The following KCNH3 variants were observed in gnomAD, a reference collection of about 807,000 sequenced individuals.
The protein encoded by KCNH3 is voltage-gated inwardly rectifying potassium channel KCNH3.
Under a neutral mutation model 95.6 loss-of-function variants are expected in KCNH3, and 36 were observed. That is an observed-to-expected ratio of 0.38 (90% CI 0.29 to 0.50). KCNH3 has a LOEUF of 0.50. KCNH3 is among the 20% of genes least tolerant of loss of function. The pLI is 0.95. For missense variants in KCNH3, 1,030 were observed against 1,484.1 expected, an observed-to-expected ratio of 0.69 and a Z score of 5.03; for synonymous variants, 620 against 646.3, an observed-to-expected ratio of 0.96 and a Z score of 0.62.
chr12:49,542,790 T>C lies in KCNH3; in HGVS notation c.530T>C (p.Leu177Pro), dbSNP rs1937920313. 1 of 1,601,324 alleles carries C rather than the reference T, an allele frequency of 6.2e-7. No homozygotes were observed. Among genetic ancestry groups the C allele is most frequent in the Non-Finnish European group, 8.5e-7 (1 of 1,175,274 alleles). ...RRRSRAVLYH[L>P]SGHLQKQPKG... ...CGGAGCCGGGCCGTGCTCTACCACC[T>C]GTCCGGGCACCTGCAGAAGCAGCCC... is the stretch of plus-strand genomic sequence containing the variant. The change falls in exon 4 of 15, where the codon CTG (leucine) becomes CCG (proline). Residue 177 changes from leucine (L) to proline (P), a missense_variant. Leu to Pro is a moderately conservative substitution (Grantham distance 98). Around this residue, in one of 9 missense-constraint regions of KCNH3, gnomAD observed 92 missense variants for 92.7 expected, o/e 0.99. Coordinates refer to ENST00000257981, the MANE Select transcript of KCNH3 (RefSeq NM_012284.3).
chr12:49,553,162 A>G (rs1395175114), intron 10 of KCNH3, among the ~76,000 whole-genome samples: 2 of 151,882 alleles, frequency 1.3e-5, no homozygotes, highest in African/African-American at 4.8e-5. Context: ...TTTTGAGACC[A>G]GGTCTCACTG....
intron 7 of KCNH3, among the ~76,000 whole-genome samples, chr12:49,545,904 C>A (rs1024919790): frequency 1.3e-5 from 2 of 152,150 alleles, no homozygotes; most frequent in Non-Finnish European, 2.9e-5. Flanking sequence ...AACCAGGACA[C>A]TCCGGGCAGT....
At chr12:49,556,061 CTA>C in intron 12 of KCNH3, 110 bp downstream of exon 12, 1 of 627,458 alleles carries the variant, frequency 1.6e-6, no homozygotes. Context: ...TCCCGCTAGT[CTA>C]TGTGGGCCAA....
At chr12:49,554,260 C>T (rs1346210974) in intron 10 of KCNH3, 77 bp from the exon 11 acceptor site, 2 of 1,204,972 alleles carry the variant, frequency 1.7e-6, no homozygotes, top group Non-Finnish European at 2.4e-6. Flanking sequence ...AAGGGAATCT[C>T]AGCAACCTGC....
chr12:49,543,169 T>C, intron 4 of KCNH3, 106 bp from the exon 5 acceptor site: 1 of 1,245,182 alleles, frequency 8.0e-7, no homozygotes, highest in South Asian at 1.4e-5. Context: ...GCTGCTTCGA[T>C]AATGCAGGGA....
At chr12:49,550,811 A>G (rs1042330141) in intron 10 of KCNH3, among the ~76,000 whole-genome samples, 3 of 152,214 alleles carry the variant, frequency 2.0e-5, no homozygotes, top group African/African-American at 7.2e-5. Context: ...ACAGTCAGGG[A>G]GACTCATTCT....
Position 49,555,914 on chromosome 12 carries a change from C to T in KCNH3, c.2431C>T (p.Pro811Ser). The change falls in exon 12 of 15, where the codon CCC (proline) becomes TCC (serine). Residue 811 changes from proline (P) to serine (S), a missense_variant. Physicochemically the swap from Pro to Ser is moderately conservative, Grantham distance 74. This residue lies in a region of KCNH3 where 464 missense variants were observed against 493.2 expected (regional missense o/e 0.94). Transcript: ENST00000257981. The part of the protein sequence containing the change: ...PRALEGLRLP[P>S]MPWNVPPDLS... ...GGCCCTAGAGGGGCTACGGCTGCCCCCCATGCCATGGAATGTGCCCCCAGA... is the reference window on the plus strand; with the variant it reads ...GGCCCTAGAGGGGCTACGGCTGCCCTCCATGCCATGGAATGTGCCCCCAGA... The T allele has an allele frequency of 3.2e-6, 5 of 1,583,036 alleles. No individual in the cohort carries two copies. The highest frequency in any genetic ancestry group is 4.3e-6 in the Non-Finnish European group (5 of 1,160,348).
intron 7 of KCNH3, among the ~76,000 whole-genome samples, chr12:49,544,758 C>T (rs1403622488): frequency 2.0e-5 from 3 of 152,036 alleles, no homozygotes; most frequent in Non-Finnish European, 2.9e-5. Context: ...CTTGTCCCCA[C>T]CACCTTGGCT....
chr12:49,549,442 C>G lies in KCNH3; in HGVS notation c.1470C>G (p.Ala490=), dbSNP rs573287113. 2 of 1,613,352 alleles carry G rather than the reference C, an allele frequency of 1.2e-6. No individual in the cohort carries two copies. Among genetic ancestry groups the G allele is most frequent in the South Asian group, 2.2e-5 (2 of 91,090 alleles). The change falls in exon 9 of 15, where the codon GCC becomes GCG. Residue 490 remains alanine (A), a splice_region_variant and synonymous_variant. Transcript: ENST00000257981. ...CCCCCTCTCGTCACCCTCCCCCAGC[C>G]CTGATGCACGCGGTGGTGTTTGGGA... ...IFSICTMLIG[A]LMHAVVFGNV...
chr12:49,554,441 C>G lies in KCNH3; in HGVS notation c.2023C>G (p.Leu675Val). Residue 675 changes from leucine to valine, a missense_variant, in exon 11 of 15, where the codon CTG becomes GTG. Coordinates refer to ENST00000257981, the MANE Select transcript of KCNH3 (RefSeq NM_012284.3). Reference protein sequence around the residue: ...LTYCVLQCLQLAGLHDSLALY... With the variant: ...LTYCVLQCLQVAGLHDSLALY... ...GTACTGCGTCCTGCAGTGTCTGCAG[C>G]TGGCTGGCCTGCACGACAGCCTTGC... The G allele has an allele frequency of 6.2e-7, 1 of 1,613,312 alleles. No homozygotes were observed. Among genetic ancestry groups the G allele is most frequent in the Non-Finnish European group, 8.5e-7 (1 of 1,180,042 alleles).
At chr12:49,556,266 C>A in intron 12 of KCNH3, 104 bp from the exon 13 acceptor site, 1 of 845,908 alleles carries the variant, frequency 1.2e-6, no homozygotes, top group Non-Finnish European at 2.0e-6. Context: ...GTCAGTTCCA[C>A]GCTCCTGCAG....
intron 6 of KCNH3, 34 bp from the exon 7 acceptor site, chr12:49,544,141 T>TGCCAACCCAAACC: frequency 7.1e-7 from 1 of 1,413,420 alleles, no homozygotes; most frequent in Non-Finnish European, 9.7e-7. Context: ...CCCGCTGACC[T>TGCCAACCCAAACC]CCCTCCCTCC....
chr12:49,557,231 C>G lies in KCNH3; in HGVS notation c.2624C>G (p.Thr875Arg). The G allele has an allele frequency of 6.2e-7, 1 of 1,613,986 alleles. No homozygotes were observed. The highest frequency in any genetic ancestry group is 1.1e-5 in the South Asian group (1 of 91,072). The change falls in exon 14 of 15, where the codon ACA becomes AGA. Residue 875 changes from threonine (T) to arginine (R), a missense_variant. This residue lies in a region of KCNH3 where 464 missense variants were observed against 493.2 expected (regional missense o/e 0.94). Coordinates refer to ENST00000257981, the MANE Select transcript of KCNH3 (RefSeq NM_012284.3). The part of the protein sequence containing the change: ...VPHGPSEARN[T>R]DTLDKLRQAV... ...CATGGGCCCAGCGAGGCAAGGAACA[C>G]AGACACACTGGACAAGCTTCGGCAG...
rs1383034705 is a variant in KCNH3 at position 49,539,773 on chromosome 12, C to A, written c.76+281C>A. 6.6e-6 allele frequency among the ~76,000 whole-genome samples: 1 copy of A among 152,306 alleles called. No homozygotes were observed. Among genetic ancestry groups the A allele is most frequent in the African/African-American group, 2.4e-5 (1 of 41,568 alleles). On this transcript the variant is annotated intron_variant, in intron 1 of 14. Coordinates refer to ENST00000257981, the MANE Select transcript of KCNH3 (RefSeq NM_012284.3). This position sits in a 1 kb window ranked among gnomAD's most constrained non-coding sequence, Gnocchi z 6.7. ...CTGTTAGCCGGGTCTCGAACCCGAA[C>A]CTAGTCAGTCTGACCCATCCCACCC...
At position 49,548,890 on chromosome 12, in the gene KCNH3, C is replaced by G. The variant is rs764315485; in HGVS notation, c.1190-5C>G. 6.4e-7 allele frequency: 1 copy of G among 1,561,814 alleles called. No homozygotes were observed. Among genetic ancestry groups the G allele is most frequent in the South Asian group, 1.2e-5 (1 of 85,188 alleles). The stretch of plus-strand genomic sequence containing the variant: ...CCTGCTCAGGCCCTGCTGTTCCCCC[C>G]TCAGGCTGGCTGCAGGAGCTGGCCC... On this transcript the variant is annotated splice_polypyrimidine_tract_variant and splice_region_variant and intron_variant, in intron 7 of 14. Coordinates refer to ENST00000257981, the MANE Select transcript of KCNH3 (RefSeq NM_012284.3).
In KCNH3 at chr12:49,557,390, G is replaced by A. The variant is rs143291016; in HGVS notation, c.2689G>A (p.Glu897Lys). 6.2e-7 allele frequency: 1 copy of A among 1,600,560 alleles called. No homozygotes were observed. The highest frequency in any genetic ancestry group is 8.5e-7 in the Non-Finnish European group (1 of 1,171,034). ...ELSEQVLQMR[E>K]GLQSLRQAVQ... ...GTCAGAGCAGGTGCTGCAGATGCGG[G>A]AAGGACTGCAGTCACTTCGCCAGGC... Residue 897 changes from glutamate to lysine, a missense_variant, in exon 15 of 15, where the codon GAA becomes AAA. Physicochemically the swap from Glu to Lys is moderately conservative, Grantham distance 56. Coordinates refer to ENST00000257981, the MANE Select transcript of KCNH3 (RefSeq NM_012284.3).
intron 1 of KCNH3, among the ~76,000 whole-genome samples, chr12:49,540,095 G>A (rs901593586): frequency 1.3e-5 from 2 of 152,154 alleles, no homozygotes; most frequent in African/African-American, 4.8e-5. Context: ...CCCCGGTTCT[G>A]GGGGCTCTGA....
rs140591831 is a variant in KCNH3 at position 49,557,467 on chromosome 12, G to A, written c.2766G>A (p.Ser922=). Residue 922 remains serine (S), a synonymous_variant, in exon 15 of 15, where the codon TCG becomes TCA. Coordinates refer to ENST00000257981, the MANE Select transcript of KCNH3 (RefSeq NM_012284.3). ...GGGAGGGTCCGTGCCCTCGGGCATC[G>A]GGAGAGGGGCCGTGCCCAGCCAGCA... is the stretch of plus-strand genomic sequence containing the variant. ...PHREGPCPRA[S]GEGPCPASTS... is the part of the protein sequence containing the mutation. 76 of 1,611,076 alleles carry A rather than the reference G, an allele frequency of 4.7e-5. No homozygotes were observed. The highest frequency in any genetic ancestry group is 3.8e-4 in the South Asian group (35 of 90,932).
chr12:49,554,260 C>G lies in KCNH3; in HGVS notation c.1919-77C>G. ...CCCAGCCCAGCTCTGAAGGGAATCT[C>G]AGCAACCTGCAGCCCCCTCTTCTCT... On this transcript the variant is annotated intron_variant, in intron 10 of 14. Transcript: ENST00000257981. 4.1e-6 allele frequency: 5 copies of G among 1,204,970 alleles called. No individual in the cohort carries two copies. In the South Asian group the frequency reaches 6.2e-5, roughly 15 times the overall value. The allele number at this position is 1,204,970 out of a possible 1,614,324, so 74.6% of individuals were successfully genotyped here.
Sources: gnomAD v4.1 joint callset for allele counts (sites outside exome capture counted in the v4.1 genomes callset) on GRCh38, gnomAD v4.1.1 for gene constraint, gnomAD v4.1.1 regional missense constraint, Gnocchi (gnomAD v3.1) non-coding constraint, MANE v1.5 for transcripts, NCBI Gene and HGNC (gene_info 2026-07-23, HGNC 2026-07-21) for gene names.